PACS2: variants seen among roughly 807,000 people sequenced by gnomAD.
PACS2 encodes the protein PACS1-like protein.
PACS2 carries 36 observed loss-of-function variants against 113.0 expected under a neutral mutation model. That is an observed-to-expected ratio of 0.32 (90% CI 0.24 to 0.42). PACS2 has a LOEUF of 0.42. Among genes scored for constraint, PACS2 ranks in the 10% least tolerant of loss-of-function variants. PACS2 has a pLI of 1.00. For missense variants in PACS2, 1,015 were observed against 1,239.5 expected, an observed-to-expected ratio of 0.82 and a Z score of 2.72; for synonymous variants, 589 against 536.1, an observed-to-expected ratio of 1.10 and a Z score of -1.36.
intron 20 of PACS2, 176 bp downstream of exon 20, chr14:105,390,179 G>A (rs2081308994): frequency 2.9e-6 from 2 of 683,872 alleles, no homozygotes; most frequent in Admixed American, 4.1e-5. Flanking sequence ...CTGCTGGAGT[G>A]GGGTGTGGGG....
At chr14:105,384,316 C>A in intron 16 of PACS2, 37 bp from the exon 17 acceptor site, 1 of 1,266,196 alleles carries the variant, frequency 7.9e-7, no homozygotes, top group South Asian at 1.2e-5. Context: ...AGCTCCGAGT[C>A]CCCCGTGGTG....
intron 9 of PACS2, among the ~76,000 whole-genome samples, chr14:105,377,802 T>C (rs1207128092): frequency 6.6e-6 from 1 of 152,220 alleles, no homozygotes; most frequent in Non-Finnish European, 1.5e-5. Flanking sequence ...CCTCTGTTCC[T>C]CCTGTTCTGG....
intron 2 of PACS2, among the ~76,000 whole-genome samples, chr14:105,350,722 C>T (rs1415333819): frequency 6.6e-6 from 1 of 152,234 alleles, no homozygotes; most frequent in African/African-American, 2.4e-5. Context: ...CACACACTGT[C>T]CTTTTCCCGA....
intron 1 of PACS2, among the ~76,000 whole-genome samples, chr14:105,331,419 A>G (rs926051199): frequency 3.9e-5 from 6 of 151,994 alleles, no homozygotes; most frequent in African/African-American, 7.2e-5. Flanking sequence ...GACTGATTGA[A>G]TTTATTTGTA....
At chr14:105,347,994 G>A (rs782026012) in intron 1 of PACS2, among the ~76,000 whole-genome samples, 3 of 152,232 alleles carry the variant, frequency 2.0e-5, no homozygotes, top group African/African-American at 4.8e-5. Flanking sequence ...ACGGAATGAT[G>A]GAGGTGAAAT....
chr14:105,383,855 C>T (rs587652726), intron 16 of PACS2: 16 of 313,892 alleles, frequency 5.1e-5, no homozygotes, highest in African/African-American at 2.8e-4. Flanking sequence ...ATGCCAGTTT[C>T]GATTTCCAAA....
chr14:105,326,097 T>C (rs1294198034), intron 1 of PACS2, among the ~76,000 whole-genome samples: 2 of 152,260 alleles, frequency 1.3e-5, no homozygotes, highest in Non-Finnish European at 2.9e-5. Context: ...TCCCTCTTTT[T>C]AGATGCAAAA....
chr14:105,392,779 A>T lies in PACS2; in HGVS notation c.2416A>T (p.Ser806Cys). ...RSLQVSRLPS[S>C]GEAAATPTMS... ...CCTCCAGGTCAGCAGGCTGCCCAGCAGCGGCGAGGCTGCAGCCACGCCCAC... is the reference window on the plus strand; with the variant it reads ...CCTCCAGGTCAGCAGGCTGCCCAGCTGCGGCGAGGCTGCAGCCACGCCCAC... The change falls in exon 23 of 25, where the codon AGC becomes TGC. Residue 806 changes from serine (S) to cysteine (C), a missense_variant. By Grantham distance (112) the Ser-to-Cys change is moderately radical. This residue lies in a region of PACS2 where 859 missense variants were observed against 1,056.8 expected (regional missense o/e 0.81). Transcript: ENST00000447393. 6.2e-7 allele frequency: 1 copy of T among 1,611,296 alleles called. No individual in the cohort carries two copies.
intron 19 of PACS2, among the ~76,000 whole-genome samples, chr14:105,386,884 C>G (rs946549240): frequency 6.6e-6 from 1 of 152,166 alleles, no homozygotes; most frequent in African/African-American, 2.4e-5. Context: ...CAGCAGCCTC[C>G]GCCCTTGCCC....
intron 2 of PACS2, 30 bp from the exon 3 acceptor site, chr14:105,352,348 T>G (rs1595665871): frequency 1.0e-4 from 148 of 1,442,234 alleles, no homozygotes; most frequent in Non-Finnish European, 1.3e-4. Flanking sequence ...TGCAGTCCTT[T>G]GAGCTAGAAC....
At chr14:105,316,127 C>G (rs587640961) in intron 1 of PACS2, among the ~76,000 whole-genome samples, 1 of 152,164 alleles carries the variant, frequency 6.6e-6, no homozygotes. Context: ...CCTCCTGGAG[C>G]GCAGGGTTGG....
chr14:105,338,405 G>T (rs587731393), intron 1 of PACS2, among the ~76,000 whole-genome samples: 1 of 152,298 alleles, frequency 6.6e-6, no homozygotes, highest in South Asian at 2.1e-4. Flanking sequence ...TGCCGAGGGG[G>T]GCGGTGGTGG....
chr14:105,375,228 C>G (rs2061309670), intron 8 of PACS2, among the ~76,000 whole-genome samples: 1 of 151,954 alleles, frequency 6.6e-6, no homozygotes, highest in African/African-American at 2.4e-5. Flanking sequence ...ACCTGTAATC[C>G]CAGAACTTTG....
rs1595145478 is a variant in PACS2, at chr14:105,380,068, C to T, written c.1051-12C>T. 1 of 1,551,380 alleles carries T rather than the reference C, an allele frequency of 6.4e-7. No homozygotes were observed. The highest frequency in any genetic ancestry group is 1.7e-4 in the Middle Eastern group (1 of 5,992). ...GTTGAGCACAAGCTGATTCCCATCT[C>T]CTCCCCCACAGGCTGACGTGCCCGA... On this transcript the variant is annotated splice_polypyrimidine_tract_variant and intron_variant, in intron 10 of 24. Transcript: ENST00000447393.
intron 1 of PACS2, among the ~76,000 whole-genome samples, chr14:105,322,419 G>A (rs1358755721): frequency 6.7e-6 from 1 of 148,932 alleles, no homozygotes; most frequent in African/African-American, 2.5e-5. Context: ...GCGCGCCACC[G>A]CACCCGGCTC....
rs782713386 is a variant in PACS2 at position 105,348,589 on chromosome 14, G to A, written c.207+9G>A. 8 of 1,597,456 alleles carry A rather than the reference G, an allele frequency of 5.0e-6. No homozygotes were observed. Among genetic ancestry groups the A allele is most frequent in the Admixed American group, 1.7e-5 (1 of 59,958 alleles). ...TCGCTGTCAAGATGCAGGTGAGGCC[G>A]CTTGTGACCCCGGCTGTGGCTGGGT... On this transcript the variant is annotated intron_variant, in intron 2 of 24. Transcript: ENST00000447393. This position sits in a 1 kb window ranked among gnomAD's most constrained non-coding sequence, Gnocchi z 6.4.
rs1374105437 is a variant in PACS2, at chr14:105,330,979, A to G, written c.119+15942A>G. On this transcript the variant is annotated intron_variant, in intron 1 of 24. Transcript: ENST00000447393. The surrounding 1 kb of genome is among the most constrained non-coding windows in gnomAD (Gnocchi z 6.9). ...GGTTGGCATTTTTTTTTTTTTTGAG[A>G]CAGAGTCATCCTGTTGCCCAGGCTG... Among the ~76,000 whole-genome samples the G allele has an allele frequency of 3.4e-5, 5 of 149,132 alleles. No homozygotes were observed. In the East Asian group the frequency reaches 9.8e-4, roughly 29 times the overall value.
intron 1 of PACS2, chr14:105,301,239 G>A (rs1159793299): frequency 6.6e-6 from 1 of 152,252 alleles, no homozygotes; most frequent in Non-Finnish European, 1.5e-5. Context: ...GGCAGAGGAG[G>A]GTCCTCCTCG....
intron 2 of PACS2, among the ~76,000 whole-genome samples, chr14:105,349,126 C>T (rs587601967): frequency 6.6e-6 from 1 of 151,274 alleles, no homozygotes; most frequent in African/African-American, 2.5e-5. Flanking sequence ...GCCCCGCCCC[C>T]TCCTTGGGGT....
Sources: allele counts gnomAD v4.1 joint callset (sites outside exome capture counted in the v4.1 genomes callset), GRCh38; gene constraint gnomAD v4.1.1; regional missense constraint gnomAD v4.1.1; non-coding constraint Gnocchi (gnomAD v3.1); transcripts MANE v1.5; gene names NCBI Gene and HGNC (gene_info 2026-07-23, HGNC 2026-07-21).